Variants in ESCO2 observed in about 807,000 individuals in gnomAD.
ESCO2 encodes the protein N-acetyltransferase ESCO2.
Under a neutral mutation model 61.7 loss-of-function variants are expected in ESCO2, and 51 were observed. The observed-to-expected ratio is 0.83, with a 90% CI of 0.66 to 1.04. The LOEUF is 1.04. ESCO2 is among the 50% of genes least tolerant of loss of function. ESCO2 has a pLI of 0.00. For synonymous variants in ESCO2, 230 were observed against 238.2 expected, an observed-to-expected ratio of 0.97 and a Z score of 0.32; for missense variants, 692 against 686.2, an observed-to-expected ratio of 1.01 and a Z score of -0.09.
chr8:27,799,956 A>T (rs967198565), intron 10 of ESCO2, among the ~76,000 whole-genome samples: 1 of 151,760 alleles, frequency 6.6e-6, no homozygotes, highest in Non-Finnish European at 1.5e-5. Context: ...GTGCTAAAGG[A>T]CTAGTTTAAT....
At chr8:27,807,038 AT>A (rs1335925138), downstream of ESCO2, among the ~76,000 whole-genome samples, 1 of 152,064 alleles carries the variant, frequency 6.6e-6, no homozygotes, top group Non-Finnish European at 1.5e-5. Context: ...ATTAATTCTA[AT>A]TTATCTATTT....
At chr8:27,806,546 A>G (rs1019104184), downstream of ESCO2, among the ~76,000 whole-genome samples, 1 of 151,860 alleles carries the variant, frequency 6.6e-6, no homozygotes, top group East Asian at 1.9e-4. Context: ...TTGGGATTTT[A>G]TTGGAATTGT....
chr8:27,818,048 A>C, the ESCO2 span, among the ~76,000 whole-genome samples: 1 of 152,298 alleles, frequency 6.6e-6, no homozygotes, highest in South Asian at 2.1e-4. Flanking sequence ...GTACCACTCC[A>C]ATGCTTTTTC....
rs1298090683 is a variant in ESCO2 at position 27,805,149 on chromosome 8, G to A, written c.*1711G>A. ...TACAAAAAATTAGCCGGGCGCGGTG[G>A]CGGGCGCCTGTAGTCCCAGCTACTC... On this transcript the variant is annotated 3_prime_UTR_variant, in exon 11 of 11. Transcript: ENST00000305188. 7.2e-6 allele frequency: 1 copy of A among 138,336 alleles called. No individual in the cohort carries two copies. The highest frequency in any genetic ancestry group is 2.9e-5 in the African/African-American group (1 of 34,972). 8.6% of individuals were successfully genotyped at this position (138,336 alleles called of 1,614,324 possible). A position where few individuals can be genotyped will look rare whatever the true frequency, so the allele number is the denominator to read the frequency against.
intron 10 of ESCO2, among the ~76,000 whole-genome samples, chr8:27,802,607 CAA>C (rs1188348304): frequency 6.2e-4 from 18 of 29,176 alleles, no homozygotes; most frequent in Admixed American, 1.1e-3. Flanking sequence ...GACTCTGTCT[CAA>C]AAAAAAAAAA....
intron 10 of ESCO2, 27 bp from the exon 11 acceptor site, chr8:27,803,279 A>T (rs150635878): frequency 6.2e-7 from 1 of 1,606,250 alleles, no homozygotes; most frequent in African/African-American, 1.3e-5. Flanking sequence ...TGCTTCCATC[A>T]TTAAATCATC....
chr8:27,772,448 A>G (rs1795433480), upstream of ESCO2: 2 of 1,494,642 alleles, frequency 1.3e-6, no homozygotes, highest in Non-Finnish European at 1.8e-6. Context: ...GCAGCGGCGG[A>G]CTGCGGGTCC....
chr8:27,806,928 T>A (rs1414120885), downstream of ESCO2, among the ~76,000 whole-genome samples: 1 of 152,204 alleles, frequency 6.6e-6, no homozygotes, highest in East Asian at 1.9e-4. Flanking sequence ...TACTTTTTTT[T>A]AAGCCATTGG....
downstream of ESCO2, chr8:27,810,464 T>C (rs766524296): frequency 2.5e-6 from 4 of 1,605,712 alleles, no homozygotes; most frequent in Non-Finnish European, 3.4e-6. Context: ...CTGCATAGTA[T>C]GCTTCATCAT....
downstream of ESCO2, among the ~76,000 whole-genome samples, chr8:27,806,673 G>A (rs2128959922): frequency 6.6e-6 from 1 of 150,546 alleles, no homozygotes; most frequent in South Asian, 2.1e-4. Flanking sequence ...AGGCTGGAGT[G>A]CATTGGCACT....
At chr8:27,792,576 A>G (rs1805201067) in intron 8 of ESCO2, 92 bp from the exon 9 acceptor site, 4 of 1,309,422 alleles carry the variant, frequency 3.1e-6, no homozygotes, top group Non-Finnish European at 4.2e-6. Context: ...AGGCTAAAGT[A>G]ACAGTAATCA....
chr8:27,810,315 GTTTCCAGAGC>G (rs1805647109), downstream of ESCO2: 1 of 1,609,714 alleles, frequency 6.2e-7, no homozygotes, highest in African/African-American at 1.3e-5. Context: ...CTAGACATCT[GTTTCCAGAGC>G]TTCAACAATG....
downstream of ESCO2, among the ~76,000 whole-genome samples, chr8:27,816,355 A>ATATATATATATATATATATATATATATT (rs1024094999): frequency 7.1e-6 from 1 of 140,942 alleles, no homozygotes; most frequent in African/African-American, 2.7e-5. Flanking sequence ...ATATATATAT[A>ATATATATATATATATATATATATATATT]TATTTATTTA....
At chr8:27,772,570 G>A, upstream of ESCO2, 1 of 1,547,852 alleles carries the variant, frequency 6.5e-7, no homozygotes, top group Non-Finnish European at 8.7e-7. Flanking sequence ...TGACTCCACC[G>A]CGGAGCAGCA....
At chr8:27,797,483 G>A (rs1403099811) in intron 9 of ESCO2, among the ~76,000 whole-genome samples, 1 of 149,698 alleles carries the variant, frequency 6.7e-6, no homozygotes, top group Admixed American at 6.7e-5. Flanking sequence ...GCAATATTTA[G>A]TTGAGTCTTG....
chr8:27,805,428 G>T (rs1805546257), downstream of ESCO2: 1 of 151,252 alleles, frequency 6.6e-6, no homozygotes. Flanking sequence ...TCTTAGATAT[G>T]TTGTATTTCA....
At chr8:27,800,803 C>A (rs770738700) in intron 10 of ESCO2, among the ~76,000 whole-genome samples, 3 of 152,086 alleles carry the variant, frequency 2.0e-5, no homozygotes, top group Non-Finnish European at 4.4e-5. Context: ...CATGGAGGAA[C>A]CTTGAAAACA....
chr8:27,791,875 T>C (rs896182614), intron 7 of ESCO2, 88 bp from the exon 8 acceptor site: 16 of 1,114,248 alleles, frequency 1.4e-5, no homozygotes, highest in Non-Finnish European at 2.2e-5. Context: ...TTGTTTAGCC[T>C]TTTGTCTTCT....
chr8:27,785,930 A>T (rs1805031038), intron 5 of ESCO2, among the ~76,000 whole-genome samples: 2 of 152,198 alleles, frequency 1.3e-5, no homozygotes, highest in African/African-American at 4.8e-5. Context: ...AGAGATGTGA[A>T]GATAATTAAT....
Sources: gnomAD v4.1 joint callset for allele counts (sites outside exome capture counted in the v4.1 genomes callset) on GRCh38, gnomAD v4.1.1 for gene constraint, MANE v1.5 for transcripts, NCBI Gene and HGNC (gene_info 2026-07-23, HGNC 2026-07-21) for gene names.